NMNAT2: variants seen among roughly 807,000 people sequenced by gnomAD.
The protein encoded by NMNAT2 is nicotinamide/nicotinic acid mononucleotide adenylyltransferase 2.
Under a neutral mutation model 41.6 loss-of-function variants are expected in NMNAT2, and 11 were observed. That is an observed-to-expected ratio of 0.26 (90% CI 0.17 to 0.44). NMNAT2 has a LOEUF of 0.44. Among genes scored for constraint, NMNAT2 ranks in the 20% least tolerant of loss-of-function variants. The probability of loss-of-function intolerance (pLI) is 1.00; values close to 1 mark genes in which losing one functional copy is unlikely to be tolerated. For missense variants in NMNAT2, 288 were observed against 407.7 expected (o/e 0.71, Z 2.53); for synonymous variants, 148 against 151.2 (o/e 0.98, Z 0.16).
rs199616437 is a variant in NMNAT2, at chr1:183,248,451, C to T, written c.*4190G>A. Reference sequence around the variant, plus strand: ...GTGATCAAAAAGCGATTCAAAAAAGCTTCCCCCTCCTCATGCCAACCCTCA... The same window carrying T: ...GTGATCAAAAAGCGATTCAAAAAAGTTTCCCCCTCCTCATGCCAACCCTCA... On this transcript the variant is annotated 3_prime_UTR_variant, in exon 11 of 11. Transcript: ENST00000287713. The T allele has an allele frequency of 8.5e-5, 13 of 152,698 alleles. No individual in the cohort carries two copies. The highest frequency in any genetic ancestry group is 2.4e-4 in the African/African-American group (10 of 41,556). 9.5% of individuals were successfully genotyped at this position (152,698 alleles called of 1,614,324 possible). A position where few individuals can be genotyped will look rare whatever the true frequency, so the allele number is the denominator to read the frequency against.
intron 4 of NMNAT2, among the ~76,000 whole-genome samples, chr1:183,288,343 A>T (rs638066): frequency 0.016 from 2,437 of 152,062 alleles, 68 homozygotes; most frequent in African/African-American, 0.055. Flanking sequence ...CTCTCCATGC[A>T]GGGAACACCT....
rs1169273778 is a variant in NMNAT2, at chr1:183,286,400, A to G, written c.448+262T>C. Among the ~76,000 whole-genome samples the G allele has an allele frequency of 3.9e-5, 6 of 152,210 alleles. No individual in the cohort carries two copies. The East Asian group carries it at 1.2e-3, about 29-fold the overall frequency. ...AGCCACCAGGCCCGGCCCTACGTTT[A>G]TATTTAAATGCAGGAGAAGAGTGCA... is the stretch of plus-strand genomic sequence containing the variant. On this transcript the variant is annotated intron_variant, in intron 5 of 10. Transcript: ENST00000287713.
intron 1 of NMNAT2, among the ~76,000 whole-genome samples, chr1:183,366,746 T>G (rs1663422011): frequency 6.6e-6 from 1 of 152,154 alleles, no homozygotes; most frequent in South Asian, 2.1e-4. Flanking sequence ...ATGGATCTTA[T>G]GCTAAGATGA....
intron 1 of NMNAT2, among the ~76,000 whole-genome samples, chr1:183,412,802 A>G (rs1289598608): frequency 4.6e-5 from 7 of 152,232 alleles, no homozygotes; most frequent in South Asian, 2.1e-4. Context: ...AACTATAAGC[A>G]TTTAGTCTTA....
At chr1:183,306,206 G>A (rs1284074270) in intron 1 of NMNAT2, among the ~76,000 whole-genome samples, 1 of 152,098 alleles carries the variant, frequency 6.6e-6, no homozygotes, top group African/African-American at 2.4e-5. Flanking sequence ...GTTGGTTGGT[G>A]CTGCAGGCTG....
intron 10 of NMNAT2, among the ~76,000 whole-genome samples, chr1:183,257,791 T>G (rs569712938): frequency 2.6e-5 from 4 of 152,202 alleles, no homozygotes; most frequent in African/African-American, 7.2e-5. Context: ...ATTTTGTTTT[T>G]TTTTTTCAAA....
chr1:183,388,375 C>T (rs550881490), intron 1 of NMNAT2, among the ~76,000 whole-genome samples: 1 of 152,340 alleles, frequency 6.6e-6, no homozygotes, highest in East Asian at 1.9e-4. Flanking sequence ...TCTTCTCACT[C>T]TGGGCCAATT....
chr1:183,383,463 T>G (rs1373989678), intron 1 of NMNAT2, among the ~76,000 whole-genome samples: 1 of 152,236 alleles, frequency 6.6e-6, no homozygotes, highest in Non-Finnish European at 1.5e-5. Flanking sequence ...TTTTCTTTTC[T>G]ACCACATGGT....
Position 183,265,328 on chromosome 1 carries a change from G to A in NMNAT2, c.652-4025C>T, listed in dbSNP as rs537338801. On this transcript the variant is annotated intron_variant, in intron 8 of 10. Transcript: ENST00000287713. ...GTTGCCCAGGCTGGAGTGCAGTGGC[G>A]CAATCTTGGCTCACTGCAACCTCCA... is the stretch of plus-strand genomic sequence containing the variant. 4.6e-4 allele frequency among the ~76,000 whole-genome samples: 58 copies of A among 127,066 alleles called. 1 individual carries two copies. The highest frequency in any genetic ancestry group is 4.9e-3 in the Middle Eastern group (1 of 206). 83.4% of individuals were successfully genotyped at this position (127,066 alleles called of 152,430 possible). A position where few individuals can be genotyped will look rare whatever the true frequency, so the allele number is the denominator to read the frequency against.
intron 2 of NMNAT2, 63 bp from the exon 3 acceptor site, chr1:183,292,920 C>T: frequency 6.9e-7 from 1 of 1,439,140 alleles, no homozygotes; most frequent in Non-Finnish European, 9.7e-7. Context: ...CCTTGGGATA[C>T]CAGCCCAAGC....
At chr1:183,290,930 T>C (rs1661524222) in intron 3 of NMNAT2, among the ~76,000 whole-genome samples, 3 of 152,160 alleles carry the variant, frequency 2.0e-5, no homozygotes, top group South Asian at 4.1e-4. Flanking sequence ...TTAATGATTT[T>C]TTTTTAGACA....
At chr1:183,304,999 G>T in intron 1 of NMNAT2, 1 of 601,654 alleles carries the variant, frequency 1.7e-6, no homozygotes, top group Non-Finnish European at 2.5e-6. Flanking sequence ...CGGAAGTGTG[G>T]CCTCTGTTCA....
At position 183,354,354 on chromosome 1, in the gene NMNAT2, G is replaced by A. The variant is rs566546412; in HGVS notation, c.86-60561C>T. The stretch of plus-strand genomic sequence containing the variant: ...TTTCATCACTTTCTCAGGAATCATC[G>A]TATCTGTCCTGCTGTTATAATTTAA... On this transcript the variant is annotated intron_variant, in intron 1 of 10. Coordinates refer to ENST00000287713, the MANE Select transcript of NMNAT2 (RefSeq NM_015039.4). Among the ~76,000 whole-genome samples the A allele has an allele frequency of 3.9e-4, 58 of 150,252 alleles. No homozygotes were observed. The South Asian group carries it at 7.1e-3, about 18-fold the overall frequency.
intron 1 of NMNAT2, among the ~76,000 whole-genome samples, chr1:183,375,190 T>A (rs530314049): frequency 6.6e-6 from 1 of 152,318 alleles, no homozygotes; most frequent in East Asian, 1.9e-4. Flanking sequence ...ACCACCTCCC[T>A]ATTCAGAATT....
At chr1:183,316,574 C>G (rs1475082037) in intron 1 of NMNAT2, among the ~76,000 whole-genome samples, 3 of 152,174 alleles carry the variant, frequency 2.0e-5, no homozygotes, top group African/African-American at 7.2e-5. Context: ...TCGCCAGCCC[C>G]CCACCAGGCA....
intron 1 of NMNAT2, among the ~76,000 whole-genome samples, chr1:183,352,312 C>T (rs2102352931): frequency 6.6e-6 from 1 of 152,136 alleles, no homozygotes; most frequent in South Asian, 2.1e-4. Flanking sequence ...ACCCATAATC[C>T]CAGCACTTAG....
intron 1 of NMNAT2, among the ~76,000 whole-genome samples, chr1:183,368,259 G>T (rs1663456131): frequency 6.6e-6 from 1 of 152,174 alleles, no homozygotes; most frequent in Non-Finnish European, 1.5e-5. Flanking sequence ...CATTAGCTCG[G>T]AGGGCTTTGC....
rs1481423135 is a variant in NMNAT2, at chr1:183,253,361, A to G, written c.822-618T>C. 2.0e-5 allele frequency among the ~76,000 whole-genome samples: 3 copies of G among 149,412 alleles called. No homozygotes were observed. In the East Asian group the frequency reaches 5.8e-4, roughly 29 times the overall value. On this transcript the variant is annotated intron_variant, in intron 10 of 10. Transcript: ENST00000287713. ...TATATTATTTATATAATATAGTTTA[A>G]TGGTTACTGTAGTGGACCAAATTAA...
intron 1 of NMNAT2, among the ~76,000 whole-genome samples, chr1:183,399,397 C>G (rs779789586): frequency 2.0e-5 from 3 of 152,060 alleles, no homozygotes; most frequent in Non-Finnish European, 4.4e-5. Flanking sequence ...CAATAACAGG[C>G]TCTGTAACTG....
Sources: allele counts gnomAD v4.1 joint callset (sites outside exome capture counted in the v4.1 genomes callset), GRCh38; gene constraint gnomAD v4.1.1; transcripts MANE v1.5; gene names NCBI Gene and HGNC (gene_info 2026-07-23, HGNC 2026-07-21).